Variants in SIAH3 observed in about 807,000 individuals in gnomAD.
SIAH3 encodes seven in absentia homolog 3.
SIAH3 carries 9 observed loss-of-function variants against 12.6 expected under a neutral mutation model. That is an observed-to-expected ratio of 0.72 (90% CI 0.43 to 1.25). The LOEUF is 1.25. SIAH3 is among the 50% of genes most tolerant of loss of function. SIAH3 has a pLI of 0.00. For missense variants in SIAH3, 390 were observed against 365.4 expected (o/e 1.07, Z -0.55); for synonymous variants, 154 against 151.1 (o/e 1.02, Z -0.14).
chr13:45,801,228 C>T (rs554363733), intron 1 of SIAH3, among the ~76,000 whole-genome samples: 1 of 152,216 alleles, frequency 6.6e-6, no homozygotes, highest in East Asian at 1.9e-4. Context: ...CCCTCAGTAC[C>T]AAATGGCTTG....
rs374425064 is a variant in SIAH3 at position 45,779,662 on chromosome 13, A to G, written c.*3721T>C. 13 of 152,310 alleles carry G rather than the reference A, an allele frequency of 8.5e-5. No individual in the cohort carries two copies. The highest frequency in any genetic ancestry group is 2.9e-4 in the African/African-American group (12 of 41,566). 9.4% of individuals were successfully genotyped at this position (152,310 alleles called of 1,614,324 possible). A position where few individuals can be genotyped will look rare whatever the true frequency, so the allele number is the denominator to read the frequency against. On this transcript the variant is annotated 3_prime_UTR_variant, in exon 2 of 2. Coordinates refer to ENST00000400405, the MANE Select transcript of SIAH3 (RefSeq NM_198849.3). ...CACCCGTAACATGAATACAATAAAG[A>G]GCACCTGCTTGCTAAGGTTGTTATG...
chr13:45,847,621 T>TTGTGTG (rs1451283350), intron 1 of SIAH3, among the ~76,000 whole-genome samples: 1 of 60,310 alleles, frequency 1.7e-5, no homozygotes, highest in African/African-American at 8.5e-5. Flanking sequence ...CTCCATGTGT[T>TTGTGTG]CGTGTGTGTG....
chr13:45,784,396 C>CTTTTTTT (rs1555256292), intron 1 of SIAH3, among the ~76,000 whole-genome samples: 6 of 102,016 alleles, frequency 5.9e-5, no homozygotes, highest in Admixed American at 9.7e-5. Context: ...ACAAAGACAG[C>CTTTTTTT]TGTTTTTTTT....
chr13:45,816,857 G>A (rs1034723126), intron 1 of SIAH3, among the ~76,000 whole-genome samples: 1 of 152,280 alleles, frequency 6.6e-6, no homozygotes, highest in South Asian at 2.1e-4. Context: ...TATAATATAT[G>A]GAGTGATTAT....
intron 1 of SIAH3, among the ~76,000 whole-genome samples, chr13:45,821,963 T>C (rs1192604590): frequency 6.6e-6 from 1 of 152,184 alleles, no homozygotes; most frequent in African/African-American, 2.4e-5. Flanking sequence ...AGGAGTGATT[T>C]ATGAGGGTTA....
chr13:45,828,911 G>C (rs562790142), intron 1 of SIAH3, among the ~76,000 whole-genome samples: 1 of 152,136 alleles, frequency 6.6e-6, no homozygotes, highest in East Asian at 1.9e-4. Context: ...TAGTTAGAAG[G>C]GAGGAGAGTT....
intron 1 of SIAH3, among the ~76,000 whole-genome samples, chr13:45,791,857 A>G (rs943439003): frequency 2.0e-5 from 3 of 152,178 alleles, no homozygotes; most frequent in Admixed American, 1.3e-4. Flanking sequence ...CTCTAGGCCA[A>G]TGTTCCCCTC....
chr13:45,810,163 G>T lies in SIAH3; in HGVS notation c.136-26106C>A, dbSNP rs1283482391. The stretch of plus-strand genomic sequence containing the variant: ...CCCTGAACTCTCCATCCTCCCTCAG[G>T]AGACACCAGCCTCCTGAGGATGCTC... On this transcript the variant is annotated intron_variant, in intron 1 of 1. Transcript: ENST00000400405. Among the ~76,000 whole-genome samples, 3 of 152,190 alleles carry T rather than the reference G, an allele frequency of 2.0e-5. No individual in the cohort carries two copies. The East Asian group carries it at 5.8e-4, about 29-fold the overall frequency.
intron 1 of SIAH3, among the ~76,000 whole-genome samples, chr13:45,786,489 C>T (rs1950528288): frequency 6.6e-6 from 1 of 152,158 alleles, no homozygotes; most frequent in Non-Finnish European, 1.5e-5. Context: ...AGATCATAGA[C>T]TAGGAAGTTC....
chr13:45,793,515 T>C (rs1950552967), intron 1 of SIAH3, among the ~76,000 whole-genome samples: 1 of 152,216 alleles, frequency 6.6e-6, no homozygotes, highest in African/African-American at 2.4e-5. Flanking sequence ...GTCTTCCTGC[T>C]AGACCACAAC....
intron 1 of SIAH3, among the ~76,000 whole-genome samples, chr13:45,789,388 CT>C (rs375681438): frequency 5.6e-5 from 2 of 35,520 alleles, no homozygotes; most frequent in South Asian, 1.5e-3. Flanking sequence ...ATCTATCTAT[CT>C]ATCTATCTAT....
chr13:45,790,326 T>C (rs1950541877), intron 1 of SIAH3, among the ~76,000 whole-genome samples: 1 of 152,166 alleles, frequency 6.6e-6, no homozygotes, highest in Non-Finnish European at 1.5e-5. Context: ...CAAACCAAGA[T>C]CTATGGGTGC....
At chr13:45,817,363 T>C (rs550481022) in intron 1 of SIAH3, among the ~76,000 whole-genome samples, 1 of 152,376 alleles carries the variant, frequency 6.6e-6, no homozygotes, top group South Asian at 2.1e-4. Context: ...GGCTAGATTA[T>C]CTAGGTCTGT....
chr13:45,813,311 G>GGA (rs1005354724), intron 1 of SIAH3, among the ~76,000 whole-genome samples: 15 of 152,196 alleles, frequency 9.9e-5, no homozygotes, highest in Admixed American at 2.0e-4. Context: ...GTTGAAATAA[G>GGA]GAGAGAGAGA....
At chr13:45,833,723 T>G (rs1189841357) in intron 1 of SIAH3, among the ~76,000 whole-genome samples, 1 of 152,066 alleles carries the variant, frequency 6.6e-6, no homozygotes, top group Admixed American at 6.5e-5. Context: ...GGGGACAGAC[T>G]CAGAAAGGGG....
chr13:45,848,962 G>A (rs1184689301), intron 1 of SIAH3, among the ~76,000 whole-genome samples: 1 of 152,156 alleles, frequency 6.6e-6, no homozygotes, highest in Non-Finnish European at 1.5e-5. Flanking sequence ...ATATTTCCGT[G>A]GTCTGTTTAT....
intron 1 of SIAH3, among the ~76,000 whole-genome samples, chr13:45,810,672 A>G (rs1198360696): frequency 1.3e-5 from 2 of 152,236 alleles, no homozygotes; most frequent in African/African-American, 2.4e-5. Flanking sequence ...ATGGGAGTCT[A>G]GAATTCATAC....
chr13:45,851,730 C>T lies in SIAH3; in HGVS notation c.-101G>A, dbSNP rs1305878433. On this transcript the variant is annotated 5_prime_UTR_variant, in exon 1 of 2. Transcript: ENST00000400405. Reference sequence around the variant, plus strand: ...AGCCTCTGAGACACTCCGCTCCAGCCCGGCTTAGCGCGCCTTCATATTCAT... The same window carrying T: ...AGCCTCTGAGACACTCCGCTCCAGCTCGGCTTAGCGCGCCTTCATATTCAT... 7.4e-6 allele frequency: 11 copies of T among 1,479,686 alleles called. No homozygotes were observed. In the Admixed American group the frequency reaches 2.1e-4, roughly 28 times the overall value. 91.7% of individuals were successfully genotyped at this position (1,479,686 alleles called of 1,614,324 possible).
chr13:45,797,452 C>T (rs1950566988), intron 1 of SIAH3, among the ~76,000 whole-genome samples: 1 of 152,172 alleles, frequency 6.6e-6, no homozygotes, highest in African/African-American at 2.4e-5. Flanking sequence ...AAGGTACATG[C>T]ACAGCTTCAA....
Sources: allele counts gnomAD v4.1 joint callset (sites outside exome capture counted in the v4.1 genomes callset), GRCh38; gene constraint gnomAD v4.1.1; transcripts MANE v1.5; gene names NCBI Gene and HGNC (gene_info 2026-07-23, HGNC 2026-07-21).